The following PIH1D2 variants were observed in gnomAD, a reference collection of about 807,000 sequenced individuals.
PIH1D2 encodes PIH1 domain-containing protein 2.
Under a neutral mutation model 31.2 loss-of-function variants are expected in PIH1D2, and 25 were observed. The observed-to-expected ratio is 0.80, with a 90% confidence interval of 0.58 to 1.12. The LOEUF is 1.12. PIH1D2 is among the 50% of genes most tolerant of loss of function. The pLI is 0.00. For missense variants in PIH1D2, 310 were observed against 356.6 expected (o/e 0.87, Z 1.05); for synonymous variants, 116 against 119.9 (o/e 0.97, Z 0.21).
rs782655226 is a variant in PIH1D2, at chr11:112,073,032, G to A, written c.143C>T (p.Pro48Leu). The A allele has an allele frequency of 5.0e-6, 8 of 1,613,642 alleles. No individual in the cohort carries two copies. In the African/African-American group the frequency reaches 8.0e-5, roughly 16 times the overall value. The change falls in exon 2 of 6, where the codon CCA becomes CTA. Residue 48 changes from proline (P) to leucine (L), a missense_variant. Pro to Leu is a moderately conservative substitution (Grantham distance 98, BLOSUM62 -3). Coordinates refer to ENST00000280350, the MANE Select transcript of PIH1D2 (RefSeq NM_138789.4). ...LKEGKQLCAA[P>L]EPQLCLQTRI... ...GGTCTGTAGACAAAGCTGTGGTTCTGGGGCAGCACAGAGCTGTTTCCCTTC... is the reference window on the plus strand; with the variant it reads ...GGTCTGTAGACAAAGCTGTGGTTCTAGGGCAGCACAGAGCTGTTTCCCTTC...
intron 1 of PIH1D2, among the ~76,000 whole-genome samples, chr11:112,073,712 A>C (rs1191615786): frequency 3.3e-5 from 5 of 152,178 alleles, no homozygotes; most frequent in Non-Finnish European, 7.3e-5. Flanking sequence ...TACCTCTACC[A>C]TAGGATTATT....
downstream of PIH1D2, chr11:112,060,118 T>C (rs1286911021): frequency 6.7e-7 from 1 of 1,489,230 alleles, no homozygotes; most frequent in African/African-American, 1.4e-5. Flanking sequence ...GTTTGCATAA[T>C]GCATTTATTG....
chr11:112,054,247 C>CG, the PIH1D2 span, among the ~76,000 whole-genome samples: 1 of 152,116 alleles, frequency 6.6e-6, no homozygotes, highest in South Asian at 2.1e-4. Flanking sequence ...ACCTGGGAGG[C>CG]GGAGGTTGCA....
chr11:112,071,824 G>C, intron 2 of PIH1D2, 66 bp from the exon 3 acceptor site: 1 of 1,554,088 alleles, frequency 6.4e-7, no homozygotes, highest in Non-Finnish European at 8.8e-7. Context: ...CAGGCATGGT[G>C]GCTCCCGCCT....
At chr11:112,070,867 T>C (rs1413927029) in intron 4 of PIH1D2, 166 bp from the exon 5 acceptor site, 2 of 1,216,918 alleles carry the variant, frequency 1.6e-6, no homozygotes, top group Non-Finnish European at 2.2e-6. Flanking sequence ...TGATTGAAAA[T>C]TTTTCAGGAT....
chr11:112,066,038 G>A (rs1864913704), downstream of PIH1D2, among the ~76,000 whole-genome samples: 1 of 152,052 alleles, frequency 6.6e-6, no homozygotes, highest in South Asian at 2.1e-4. Flanking sequence ...TCATGTATCA[G>A]TTATTTCTGT....
rs782249559 is a variant in PIH1D2 at position 112,073,210 on chromosome 11, G to A, written c.-31-5C>T. ...TGGTGAATAATTTTCTTAAGCCTGT[G>A]GAAAAACACGACTTCAGGAAGAAAA... is the stretch of plus-strand genomic sequence containing the variant. On this transcript the variant is annotated splice_polypyrimidine_tract_variant and splice_region_variant and intron_variant, in intron 1 of 5. Transcript: ENST00000280350. 3 of 1,496,114 alleles carry A rather than the reference G, an allele frequency of 2.0e-6. No individual in the cohort carries two copies. The highest frequency in any genetic ancestry group is 4.0e-5 in the Admixed American group (2 of 49,452). 92.7% of individuals were successfully genotyped at this position (1,496,114 alleles called of 1,614,324 possible).
downstream of PIH1D2, chr11:112,061,242 T>G: frequency 6.4e-7 from 1 of 1,561,076 alleles, no homozygotes; most frequent in African/African-American, 1.4e-5. Context: ...TCCTGTGGTA[T>G]CCTCAGGGGA....
chr11:112,061,104 C>T (rs1864589769), downstream of PIH1D2: 1 of 1,613,736 alleles, frequency 6.2e-7, no homozygotes, highest in Admixed American at 1.7e-5. Context: ...TATTATTAAC[C>T]CACCTCAAGC....
downstream of PIH1D2, chr11:112,059,978 T>C: frequency 6.2e-7 from 1 of 1,613,946 alleles, no homozygotes; most frequent in Non-Finnish European, 8.5e-7. Flanking sequence ...TTAATGCACA[T>C]ATAAAAGGAG....
At chr11:112,059,949 C>T (rs587683068), downstream of PIH1D2, 2 of 1,613,580 alleles carry the variant, frequency 1.2e-6, no homozygotes, top group South Asian at 1.1e-5. Context: ...TCCTGCAGGA[C>T]TCATCACACC....
intron 2 of PIH1D2, 137 bp from the exon 3 acceptor site, chr11:112,071,895 C>T (rs1011552952): frequency 1.2e-6 from 1 of 814,190 alleles, no homozygotes. Flanking sequence ...GAATTTGAGA[C>T]CAGCCTGGCC....
chr11:112,056,841 C>T, the PIH1D2 span, among the ~76,000 whole-genome samples: 1 of 152,120 alleles, frequency 6.6e-6, no homozygotes, highest in African/African-American at 2.4e-5. Context: ...TATTTGTTAC[C>T]GTGTGGGTGT....
intron 4 of PIH1D2, 27 bp downstream of exon 4, chr11:112,071,011 A>G: frequency 6.3e-7 from 1 of 1,599,188 alleles, no homozygotes; most frequent in Admixed American, 1.7e-5. Flanking sequence ...AAGCAGTTTA[A>G]TTTTCCATTT....
At chr11:112,067,182 A>G (rs1425759777), downstream of PIH1D2, among the ~76,000 whole-genome samples, 3 of 152,172 alleles carry the variant, frequency 2.0e-5, no homozygotes, top group Non-Finnish European at 4.4e-5. Context: ...ACAGTCTGGA[A>G]TTTCTTCCTG....
intron 2 of PIH1D2, chr11:112,072,748 C>T (rs1023859747): frequency 3.1e-6 from 1 of 320,286 alleles, no homozygotes; most frequent in Non-Finnish European, 5.9e-6. Flanking sequence ...CCTGTAATCC[C>T]AGCTACTTGG....
downstream of PIH1D2, chr11:112,059,885 A>G: frequency 6.4e-7 from 1 of 1,556,558 alleles, no homozygotes; most frequent in Non-Finnish European, 8.7e-7. Flanking sequence ...TATTATATTT[A>G]TTTTTCTTTT....
intron 5 of PIH1D2, among the ~76,000 whole-genome samples, chr11:112,068,281 G>A (rs587745856): frequency 1.3e-5 from 2 of 152,302 alleles, no homozygotes; most frequent in South Asian, 2.1e-4. Context: ...TTGGAGCCTG[G>A]AAAGGTAGTG....
downstream of PIH1D2, chr11:112,059,761 A>G (rs1555182979): frequency 4.7e-6 from 3 of 640,746 alleles, no homozygotes; most frequent in Non-Finnish European, 7.8e-6. Flanking sequence ...TAGGATAGAC[A>G]TCTTAATTTT....
Sources: gnomAD v4.1 joint callset for allele counts (sites outside exome capture counted in the v4.1 genomes callset) on GRCh38, gnomAD v4.1.1 for gene constraint, MANE v1.5 for transcripts, NCBI Gene and HGNC (gene_info 2026-07-23, HGNC 2026-07-21) for gene names.